The following RGS3 variants were observed in gnomAD, a reference collection of about 807,000 sequenced individuals.
RGS3 encodes regulator of G-protein signalling 3.
Under a neutral mutation model 132.6 loss-of-function variants are expected in RGS3, and 80 were observed. That is an observed-to-expected ratio of 0.60 (90% CI 0.50 to 0.73). The LOEUF (loss-of-function observed/expected upper bound fraction) is 0.73. Among genes scored for constraint, RGS3 ranks in the 30% least tolerant of loss-of-function variants. RGS3 has a pLI of 0.00. For synonymous variants in RGS3, 598 were observed against 620.6 expected, an observed-to-expected ratio of 0.96 and a Z score of 0.54; for missense variants, 1,382 against 1,530.8, an observed-to-expected ratio of 0.90 and a Z score of 1.62.
intron 19 of RGS3, among the ~76,000 whole-genome samples, chr9:113,548,500 G>A (rs1833204597): frequency 1.3e-5 from 2 of 152,338 alleles, no homozygotes; most frequent in South Asian, 2.1e-4. Context: ...GACACTCCCT[G>A]TGGTCTGTTC....
At chr9:113,566,579 C>G (rs939268166) in intron 19 of RGS3, among the ~76,000 whole-genome samples, 1 of 152,198 alleles carries the variant, frequency 6.6e-6, no homozygotes, top group Non-Finnish European at 1.5e-5. Flanking sequence ...GGATAGAGAA[C>G]TTCTGCCTCC....
At chr9:113,496,062 CA>C (rs1216413255) in intron 8 of RGS3, among the ~76,000 whole-genome samples, 1 of 152,130 alleles carries the variant, frequency 6.6e-6, no homozygotes, top group Non-Finnish European at 1.5e-5. Context: ...TGCCAGAGAG[CA>C]GTTTGTTAGG....
intron 3 of RGS3, among the ~76,000 whole-genome samples, chr9:113,466,011 A>G (rs1829629506): frequency 6.6e-6 from 1 of 152,182 alleles, no homozygotes; most frequent in Admixed American, 6.5e-5. Context: ...TTCCAAACCC[A>G]GCCAAATATC....
exon 8 of RGS3, chr9:113,495,831 C>T (rs1830664342): frequency 6.2e-7 from 1 of 1,614,122 alleles, no homozygotes; most frequent in Non-Finnish European, 8.5e-7. Flanking sequence ...TGAAGTCTCT[C>T]CTGACTCCAG....
intron 18 of RGS3, among the ~76,000 whole-genome samples, chr9:113,533,000 G>A (rs1291454139): frequency 6.6e-6 from 1 of 152,210 alleles, no homozygotes; most frequent in African/African-American, 2.4e-5. Flanking sequence ...AGGTGTGGCA[G>A]CCTGACCAGG....
At chr9:113,484,355 A>C in intron 6 of RGS3, 123 bp downstream of exon 4, 1 of 478,644 alleles carries the variant, frequency 2.1e-6, no homozygotes, top group Non-Finnish European at 3.7e-6. Flanking sequence ...AAAAACCAAA[A>C]CAAAAAAAAC....
chr9:113,536,073 G>A (rs1832662862), intron 18 of RGS3, among the ~76,000 whole-genome samples: 2 of 152,134 alleles, frequency 1.3e-5, no homozygotes, highest in South Asian at 2.1e-4. Flanking sequence ...GGCCTTTCTA[G>A]GAGGGGTTTG....
chr9:113,479,035 G>T, intron 3 of RGS3: 1 of 177,328 alleles, frequency 5.6e-6, no homozygotes, highest in Non-Finnish European at 1.2e-5. Flanking sequence ...GCTTGTGTTT[G>T]TCTACGACAG....
At chr9:113,538,461 C>G (rs886415531) in intron 19 of RGS3, among the ~76,000 whole-genome samples, 1 of 152,160 alleles carries the variant, frequency 6.6e-6, no homozygotes, top group Non-Finnish European at 1.5e-5. Context: ...GCCTCCTTTT[C>G]TGGGGGAAAG....
chr9:113,455,118 C>T (rs995250556), intron 1 of RGS3, among the ~76,000 whole-genome samples: 2 of 152,132 alleles, frequency 1.3e-5, no homozygotes, highest in African/African-American at 2.4e-5. Context: ...AAGTCTCTCC[C>T]GGGAATAAGC....
chr9:113,519,267 G>T (rs1276975406), intron 16 of RGS3, among the ~76,000 whole-genome samples: 2 of 152,024 alleles, frequency 1.3e-5, no homozygotes. Flanking sequence ...TGGCATGTCT[G>T]CATAAAGACA....
At chr9:113,525,388 A>C (rs528779779) in intron 17 of RGS3, among the ~76,000 whole-genome samples, 4 of 152,194 alleles carry the variant, frequency 2.6e-5, no homozygotes, top group East Asian at 1.9e-4. Flanking sequence ...CCTGCAGTCT[A>C]AATTGGAGCC....
exon 15 of RGS3, chr9:113,514,588 G>T (rs200407777): frequency 5.6e-6 from 9 of 1,613,972 alleles, no homozygotes; most frequent in Non-Finnish European, 7.6e-6. Flanking sequence ...CGCATGCCAC[G>T]CACTCAAGCT....
rs41276825 is a variant in RGS3 at position 113,597,409 on chromosome 9, G to A, written c.*456G>A. 3.7e-3 allele frequency: 568 copies of A among 155,028 alleles called. 1 individual carries two copies. The highest frequency in any genetic ancestry group is 0.011 in the African/African-American group (469 of 41,624). The allele number at this position is 155,028 out of a possible 1,614,324, so 9.6% of individuals were successfully genotyped here. A position where few individuals can be genotyped will look rare whatever the true frequency, so the allele number is the denominator to read the frequency against. Reference sequence around the variant, plus strand: ...TAAATAGTAGTTGGATGCTTGGCACGTCGTCCTGTAATAGGAAACCCTTGC... The same window carrying A: ...TAAATAGTAGTTGGATGCTTGGCACATCGTCCTGTAATAGGAAACCCTTGC... On this transcript the variant is annotated 3_prime_UTR_variant, in exon 25 of 25. Coordinates refer to ENST00000350696, the Ensembl canonical transcript of RGS3.
chr9:113,561,878 A>T (rs188238766), intron 19 of RGS3, among the ~76,000 whole-genome samples: 1 of 152,090 alleles, frequency 6.6e-6, no homozygotes, highest in African/African-American at 2.4e-5. Context: ...CTGTCTAAAG[A>T]CTTGGGCTCT....
rs201899781 is a variant in RGS3 at position 113,501,612 on chromosome 9, G to A, written c.897+3532G>A. 14 of 1,562,332 alleles carry A rather than the reference G, an allele frequency of 9.0e-6. No individual in the cohort carries two copies. The African/African-American group carries it at 1.1e-4, about 12-fold the overall frequency. On this transcript the variant is annotated intron_variant, in intron 10 of 24. Coordinates refer to ENST00000350696, the Ensembl canonical transcript of RGS3. The stretch of plus-strand genomic sequence containing the variant: ...TCAATGGGCTCTGCAAGGTGTGCTC[G>A]GAGCGCCGCTACCGCCAGGTGGGTG...
chr9:113,471,009 GTTATTA>G lies in RGS3; in HGVS notation c.416-8473_416-8468del, dbSNP rs1166230805. Among the ~76,000 whole-genome samples the G allele has an allele frequency of 5.3e-5, 8 of 152,140 alleles. No individual in the cohort carries two copies. In the East Asian group the frequency reaches 1.2e-3, roughly 22 times the overall value. Reference sequence around the variant, plus strand: ...CAAACAGTATAGGCAGAGAGTTGTTGTTATTATTATTATTTTCTTCTCAATGCAGAC... The same window carrying G: ...CAAACAGTATAGGCAGAGAGTTGTTGTTATTATTTTCTTCTCAATGCAGAC... On this transcript the variant is annotated intron_variant, in intron 3 of 24. Coordinates refer to ENST00000350696, the Ensembl canonical transcript of RGS3.
rs1830425334 is a variant in RGS3, at chr9:113,489,018, T to C, written c.689+3325T>C. 2.6e-5 allele frequency among the ~76,000 whole-genome samples: 4 copies of C among 152,194 alleles called. No individual in the cohort carries two copies. In the South Asian group the frequency reaches 8.3e-4, roughly 31 times the overall value. On this transcript the variant is annotated intron_variant, in intron 7 of 24. Transcript: ENST00000350696. ...ATTGTGGAAGGAAGGAAACAAACATTTATGGAATTCTTCTCTGTGCCAAGC... is the reference window on the plus strand; with the variant it reads ...ATTGTGGAAGGAAGGAAACAAACATCTATGGAATTCTTCTCTGTGCCAAGC...
intron 19 of RGS3, chr9:113,541,348 A>T: frequency 1.2e-6 from 2 of 1,613,864 alleles, no homozygotes; most frequent in South Asian, 1.1e-5. Context: ...TCTCTCCAGC[A>T]GGAGATGGGG....
Sources: gnomAD v4.1 joint callset for allele counts (sites outside exome capture counted in the v4.1 genomes callset) on GRCh38, gnomAD v4.1.1 for gene constraint, MANE v1.5 for transcripts, NCBI Gene and HGNC (gene_info 2026-07-23, HGNC 2026-07-21) for gene names.